MYZAP: variants seen among roughly 807,000 people sequenced by gnomAD.
MYZAP encodes GRINL1A complex locus upstream.
Under a neutral mutation model 69.4 loss-of-function variants are expected in MYZAP, and 66 were observed. The ratio of observed to expected loss-of-function variants is 0.95; its 90% CI spans 0.78 to 1.17. MYZAP has a LOEUF of 1.17. Ranked by LOEUF, MYZAP falls within the 50% of genes most tolerant of loss-of-function variation. The pLI, the probability that MYZAP is intolerant of heterozygous loss-of-function variation, is 0.00. For synonymous variants in MYZAP, 256 were observed against 205.9 expected (o/e 1.24, Z -2.09); for missense variants, 611 against 556.2 (o/e 1.10, Z -0.99).
chr15:57,632,430 G>T lies in MYZAP; in HGVS notation c.679-4G>T, dbSNP rs2036560626. 6.2e-7 allele frequency: 1 copy of T among 1,614,094 alleles called. No homozygotes were observed. The highest frequency in any genetic ancestry group is 8.5e-7 in the Non-Finnish European group (1 of 1,179,990). On this transcript the variant is annotated splice_polypyrimidine_tract_variant and splice_region_variant and intron_variant, in intron 6 of 12. Coordinates refer to ENST00000267853, the MANE Select transcript of MYZAP (RefSeq NM_001018100.5). ...CTGTCGTTCTGAAATGAGTCTCGTT[G>T]TAGGTGGAATCGTCCCAAGAAGCCA...
At chr15:57,622,151 C>A (rs539386428) in intron 4 of MYZAP, among the ~76,000 whole-genome samples, 1 of 151,974 alleles carries the variant, frequency 6.6e-6, no homozygotes, top group Non-Finnish European at 1.5e-5. Context: ...TTATTTGTAG[C>A]AGGGTATAAA....
chr15:57,599,828 C>A, intron 1 of MYZAP: 1 of 611,774 alleles, frequency 1.6e-6, no homozygotes, highest in South Asian at 1.5e-5. Flanking sequence ...GGTTACTGTC[C>A]TTAGTGCTTC....
chr15:57,646,400 G>T, intron 10 of MYZAP: 1 of 1,115,460 alleles, frequency 9.0e-7, no homozygotes. Context: ...GACTTGTACA[G>T]CCTCAAACTG....
intron 4 of MYZAP, among the ~76,000 whole-genome samples, chr15:57,622,186 A>T (rs1396803108): frequency 6.6e-6 from 1 of 152,154 alleles, no homozygotes; most frequent in African/African-American, 2.4e-5. Context: ...CACACAGAGG[A>T]TATAAAATTA....
At chr15:57,609,180 G>A (rs1478140113) in intron 2 of MYZAP, among the ~76,000 whole-genome samples, 1 of 152,158 alleles carries the variant, frequency 6.6e-6, no homozygotes, top group Non-Finnish European at 1.5e-5. Flanking sequence ...CCAAAGCCTA[G>A]GTGGCTGCCT....
intron 11 of MYZAP, among the ~76,000 whole-genome samples, chr15:57,668,873 G>GATAT (rs34433014): frequency 6.7e-5 from 9 of 134,224 alleles, no homozygotes; most frequent in African/African-American, 1.7e-4. Context: ...GTCTGTTGAA[G>GATAT]ATATATATAT....
intron 2 of MYZAP, among the ~76,000 whole-genome samples, chr15:57,613,966 C>T (rs1461744973): frequency 6.6e-6 from 1 of 152,198 alleles, no homozygotes; most frequent in Non-Finnish European, 1.5e-5. Context: ...AATTTAGCCA[C>T]AAACATCTTG....
intron 1 of MYZAP, among the ~76,000 whole-genome samples, chr15:57,594,540 C>T (rs1432593968): frequency 2.0e-5 from 3 of 152,180 alleles, no homozygotes; most frequent in Non-Finnish European, 4.4e-5. Context: ...TAATCATGTA[C>T]TGCATAACCA....
intron 12 of MYZAP, among the ~76,000 whole-genome samples, chr15:57,679,757 C>T (rs1356255958): frequency 2.0e-5 from 3 of 152,194 alleles, no homozygotes; most frequent in African/African-American, 4.8e-5. Flanking sequence ...AGTCTCACAG[C>T]TTCACCTCTC....
chr15:57,647,742 C>T (rs2037515169), intron 10 of MYZAP: 1 of 985,286 alleles, frequency 1.0e-6, no homozygotes, highest in Non-Finnish European at 1.2e-6. Context: ...TGCACTTGGC[C>T]CTGGCCCTGG....
intron 10 of MYZAP, among the ~76,000 whole-genome samples, chr15:57,658,052 A>G (rs2038091599): frequency 6.6e-6 from 1 of 152,168 alleles, no homozygotes; most frequent in Non-Finnish European, 1.5e-5. Context: ...TGTATGGTTT[A>G]CTTTTCATGT....
At chr15:57,682,084 A>C (rs1192182772) in intron 12 of MYZAP, among the ~76,000 whole-genome samples, 2 of 152,178 alleles carry the variant, frequency 1.3e-5, no homozygotes, top group African/African-American at 4.8e-5. Flanking sequence ...AGCATGGTAA[A>C]GATTAATTTC....
rs553223443 is a variant in MYZAP at position 57,639,343 on chromosome 15, G to A, written c.1014-97G>A. The stretch of plus-strand genomic sequence containing the variant: ...ATTACAGGCATGAGCCGCCATGCTT[G>A]GCGCTCTTGGCAATATTCTTTAAAG... On this transcript the variant is annotated intron_variant, in intron 9 of 12. Transcript: ENST00000267853. 40 of 1,311,320 alleles carry A rather than the reference G, an allele frequency of 3.1e-5. No homozygotes were observed. In the East Asian group the frequency reaches 9.8e-4, roughly 32 times the overall value. The allele number at this position is 1,311,320 out of a possible 1,614,324, so 81.2% of individuals were successfully genotyped here. A position where few individuals can be genotyped will look rare whatever the true frequency, so the allele number is the denominator to read the frequency against.
At chr15:57,599,398 A>C (rs1291753396) in intron 1 of MYZAP, 4 of 1,071,804 alleles carry the variant, frequency 3.7e-6, no homozygotes, top group Non-Finnish European at 4.6e-6. Context: ...GTCCCTAAAA[A>C]TATTTCACAA....
At chr15:57,650,719 G>C (rs1353144538) in intron 10 of MYZAP, among the ~76,000 whole-genome samples, 1 of 152,210 alleles carries the variant, frequency 6.6e-6, no homozygotes, top group African/African-American at 2.4e-5. Context: ...TCTGATGTGG[G>C]TGGAGAGTCT....
At chr15:57,679,953 G>A (rs1595947735) in intron 12 of MYZAP, among the ~76,000 whole-genome samples, 1 of 152,148 alleles carries the variant, frequency 6.6e-6, no homozygotes. Flanking sequence ...ATACTGGCTT[G>A]GAAGTTAGAC....
intron 2 of MYZAP, among the ~76,000 whole-genome samples, chr15:57,615,492 G>A (rs376022552): frequency 5.7e-4 from 87 of 152,234 alleles, no homozygotes; most frequent in Middle Eastern, 6.8e-3. Flanking sequence ...CTCTGTGTCC[G>A]GCCACCTGAG....
At chr15:57,640,287 G>T (rs2140468174) in intron 10 of MYZAP, among the ~76,000 whole-genome samples, 1 of 152,272 alleles carries the variant, frequency 6.6e-6, no homozygotes, top group Non-Finnish European at 1.5e-5. Flanking sequence ...GCTCTGTAAA[G>T]CTAATCACAT....
chr15:57,603,241 A>G (rs184223224), intron 1 of MYZAP, among the ~76,000 whole-genome samples: 28 of 152,292 alleles, frequency 1.8e-4, no homozygotes, highest in Admixed American at 7.8e-4. Flanking sequence ...CATAAGCATT[A>G]TATTTTCTTC....
Sources: allele counts gnomAD v4.1 joint callset (sites outside exome capture counted in the v4.1 genomes callset), GRCh38; gene constraint gnomAD v4.1.1; transcripts MANE v1.5; gene names NCBI Gene and HGNC (gene_info 2026-07-23, HGNC 2026-07-21).